Variants in NPIPB8 observed in about 807,000 individuals in gnomAD.
NPIPB8 encodes the protein nuclear pore complex interacting protein family member B8, also known as nuclear pore complex-interacting protein family member B8.
Under a neutral mutation model 5.3 loss-of-function variants are expected in NPIPB8, and 3 were observed. The observed-to-expected ratio is 0.57, with a 90% CI of 0.26 to 1.47. The LOEUF is 1.47. NPIPB8 is among the 40% of genes most tolerant of loss of function. NPIPB8 has a pLI of 0.13. For missense variants in NPIPB8, 50 were observed against 50.2 expected, an observed-to-expected ratio of 1.00 and a Z score of 0.01; for synonymous variants, 18 against 23.0, an observed-to-expected ratio of 0.78 and a Z score of 0.62.
In NPIPB8 at chr16:28,640,100, G is replaced by A. The variant is rs1366040355; in HGVS notation, c.120+1620G>A. On this transcript the variant is annotated intron_variant, in intron 2 of 7. Transcript: ENST00000683297. ...TCAGAGACTGAAAGTTAAGCCTGAG[G>A]TTACAGTCAATAAGAGGCAGAGCTG... is the stretch of plus-strand genomic sequence containing the variant. 3.3e-5 allele frequency among the ~76,000 whole-genome samples: 5 copies of A among 151,792 alleles called. No homozygotes were observed. In the South Asian group the frequency reaches 1.0e-3, roughly 32 times the overall value.
intron 3 of NPIPB8, among the ~76,000 whole-genome samples, chr16:28,651,747 GC>G (rs1260828224): frequency 1.3e-5 from 1 of 74,300 alleles, no homozygotes; most frequent in Non-Finnish European, 2.5e-5. Flanking sequence ...CTCTGCCTCA[GC>G]CTCCCGAGTA....
chr16:28,652,506 A>ATGCC (rs1178420513), intron 5 of NPIPB8, 142 bp downstream of exon 5: 1 of 221,538 alleles, frequency 4.5e-6, no homozygotes, highest in East Asian at 8.4e-5. Context: ...TTTCTGCTTC[A>ATGCC]TTAGTTTAAG....
intron 2 of NPIPB8, among the ~76,000 whole-genome samples, chr16:28,641,903 C>T (rs895059832): frequency 9.1e-5 from 12 of 132,372 alleles, no homozygotes; most frequent in African/African-American, 2.0e-4. Flanking sequence ...CTGGGCTGCA[C>T]GAATAACCTC....
intron 2 of NPIPB8, among the ~76,000 whole-genome samples, chr16:28,639,030 T>C (rs1487840057): frequency 2.0e-5 from 3 of 147,246 alleles, no homozygotes; most frequent in African/African-American, 7.6e-5. Flanking sequence ...GATCACGCCA[T>C]TGCACTCCAG....
chr16:28,638,594 G>A, intron 2 of NPIPB8, 114 bp downstream of exon 2: 1 of 1,393,444 alleles, frequency 7.2e-7, no homozygotes, highest in Non-Finnish European at 9.6e-7. Context: ...TCACAGTACT[G>A]GCTTCTTCCT....
At chr16:28,639,444 C>T (rs190242187) in intron 2 of NPIPB8, among the ~76,000 whole-genome samples, 26,901 of 116,656 alleles carry the variant, frequency 0.23, 3,727 homozygotes, top group Non-Finnish European at 0.28. Context: ...CACACACACA[C>T]ATATATATAT....
At chr16:28,651,781 G>A in intron 3 of NPIPB8, among the ~76,000 whole-genome samples, 176 bp from the exon 4 acceptor site, 1 of 55,400 alleles carries the variant, frequency 1.8e-5, no homozygotes. Context: ...GGCGCCCGCT[G>A]CCATGCCTGG....
At position 28,638,386 on chromosome 16, in the gene NPIPB8, C is replaced by A; in HGVS notation, c.26C>A (p.Thr9Asn). 1 of 1,568,344 alleles carries A rather than the reference C, an allele frequency of 6.4e-7. No individual in the cohort carries two copies. The highest frequency in any genetic ancestry group is 8.6e-7 in the Non-Finnish European group (1 of 1,164,410). MVKLSIVL[T>N]PQFLSHDQGQ... ...ATGGTGAAGCTCTCTATTGTCCTGA[C>A]CCCACAGTTCCTGTCCCATGACCAG... The change falls in exon 2 of 8, where the codon ACC becomes AAC. Residue 9 changes from threonine (T) to asparagine (N), a missense_variant. By Grantham distance (65) the Thr-to-Asn change is moderately conservative. Transcript: ENST00000683297.
At chr16:28,638,749 G>A (rs1317326272) in intron 2 of NPIPB8, among the ~76,000 whole-genome samples, 10 of 150,278 alleles carry the variant, frequency 6.7e-5, no homozygotes, top group South Asian at 2.1e-4. Flanking sequence ...AGTGCCCAAC[G>A]ACACTTAAAA....
At chr16:28,642,955 G>T (rs1233525622) in intron 2 of NPIPB8, among the ~76,000 whole-genome samples, 3 of 152,234 alleles carry the variant, frequency 2.0e-5, no homozygotes, top group East Asian at 3.8e-4. Context: ...AGGCCTGAGA[G>T]AGTTTGGGCA....
At chr16:28,644,541 C>A (rs775547943) in intron 2 of NPIPB8, 17 of 1,447,488 alleles carry the variant, frequency 1.2e-5, no homozygotes, top group African/African-American at 1.0e-4. Flanking sequence ...CCCTAAGCCA[C>A]CTCCACCTCT....
At chr16:28,642,174 C>T (rs1303750441) in intron 2 of NPIPB8, among the ~76,000 whole-genome samples, 4 of 151,406 alleles carry the variant, frequency 2.6e-5, no homozygotes, top group African/African-American at 7.3e-5. Flanking sequence ...GGCACGATCT[C>T]GGCTCACTGC....
At position 28,638,341 on chromosome 16, in the gene NPIPB8, C is replaced by A. The variant is rs1487088682; in HGVS notation, c.-20C>A. 13 of 1,563,824 alleles carry A rather than the reference C, an allele frequency of 8.3e-6. No individual in the cohort carries two copies. The highest frequency in any genetic ancestry group is 4.3e-4 in the Middle Eastern group (2 of 4,598). ...CTAATAGGTTGGCACTCATCATGAG[C>A]CCCTGTTCTCATTCTGCAAATGGTG... On this transcript the variant is annotated 5_prime_UTR_variant, in exon 2 of 8. Transcript: ENST00000683297.
intron 3 of NPIPB8, among the ~76,000 whole-genome samples, chr16:28,651,235 A>G (rs2048036745): frequency 2.8e-5 from 1 of 35,564 alleles, no homozygotes; most frequent in Non-Finnish European, 4.6e-5. Flanking sequence ...CACCCGCCTC[A>G]GCCTCCCAAA....
At chr16:28,638,242 A>G in intron 1 of NPIPB8, 81 bp from the exon 2 acceptor site, 3 of 1,504,844 alleles carry the variant, frequency 2.0e-6, no homozygotes, top group Non-Finnish European at 2.6e-6. Flanking sequence ...TGAAGCCCCT[A>G]TGCTCTTGAC....
At chr16:28,645,158 C>A (rs904268636) in intron 2 of NPIPB8, among the ~76,000 whole-genome samples, 1 of 135,178 alleles carries the variant, frequency 7.4e-6, no homozygotes, top group East Asian at 2.0e-4. Flanking sequence ...ATTGTCCTGC[C>A]CCAGCCTCCT....
chr16:28,647,470 CA>C lies in NPIPB8; in HGVS notation c.121-656del, dbSNP rs1317993470. Among the ~76,000 whole-genome samples the C allele has an allele frequency of 4.4e-4, 16 of 35,978 alleles. 1 individual carries two copies. Among genetic ancestry groups the C allele is most frequent in the Middle Eastern group, 0.011 (1 of 88 alleles). 23.6% of individuals were successfully genotyped at this position (35,978 alleles called of 152,430 possible). On this transcript the variant is annotated intron_variant, in intron 2 of 7. Coordinates refer to ENST00000683297, the MANE Select transcript of NPIPB8 (RefSeq NM_001310136.2). ...ACAAAACACCAAACAAAAACAAAAA[CA>C]AAAAAAAATGGCTGGGCACGGTGGC...
chr16:28,638,201 A>G (rs2047825709), intron 1 of NPIPB8, 51 bp downstream of exon 1: 1 of 1,226,286 alleles, frequency 8.2e-7, no homozygotes, highest in East Asian at 2.5e-5. Context: ...AATTCAAAGT[A>G]CAGGAATTTG....
At chr16:28,638,601 T>A in intron 2 of NPIPB8, 121 bp downstream of exon 2, 2 of 1,385,046 alleles carry the variant, frequency 1.4e-6, no homozygotes, top group East Asian at 2.5e-5. Context: ...ACTGGCTTCT[T>A]CCTCTTTTTC....
Sources: gnomAD v4.1 joint callset for allele counts (sites outside exome capture counted in the v4.1 genomes callset) on GRCh38, gnomAD v4.1.1 for gene constraint, MANE v1.5 for transcripts, NCBI Gene and HGNC (gene_info 2026-07-23, HGNC 2026-07-21) for gene names.